MSRA: variants seen among roughly 807,000 people sequenced by gnomAD.
MSRA encodes mitochondrial peptide methionine sulfoxide reductase.
Under a neutral mutation model 31.3 loss-of-function variants are expected in MSRA, and 54 were observed. The ratio of observed to expected loss-of-function variants is 1.73; its 90% CI spans 1.39 to 2.17. The LOEUF is 2.17. MSRA is among the 30% of genes most tolerant of loss of function. MSRA has a pLI of 0.00. For synonymous variants in MSRA, 169 were observed against 116.5 expected, an observed-to-expected ratio of 1.45 and a Z score of -2.90; for missense variants, 507 against 300.9, an observed-to-expected ratio of 1.69 and a Z score of -5.07.
chr8:10,353,192 T>G (rs1563384592), intron 5 of MSRA, among the ~76,000 whole-genome samples: 1 of 152,214 alleles, frequency 6.6e-6, no homozygotes, highest in South Asian at 2.1e-4. Flanking sequence ...CTCAAGGTAG[T>G]TGACATGTTG....
At chr8:10,261,893 C>T (rs1798504870) in intron 3 of MSRA, among the ~76,000 whole-genome samples, 1 of 152,224 alleles carries the variant, frequency 6.6e-6, no homozygotes, top group Non-Finnish European at 1.5e-5. Context: ...CCCTGGCAAT[C>T]ACTAGCTTTT....
chr8:10,284,713 A>T (rs1305373242), intron 3 of MSRA, among the ~76,000 whole-genome samples: 1 of 151,674 alleles, frequency 6.6e-6, no homozygotes, highest in African/African-American at 2.4e-5. Context: ...CTGGGTTCTG[A>T]CTCCGCCCCT....
intron 1 of MSRA, among the ~76,000 whole-genome samples, chr8:10,064,983 T>G (rs559371390): frequency 6.6e-6 from 1 of 152,258 alleles, no homozygotes; most frequent in Non-Finnish European, 1.5e-5. Context: ...CGTAAGAGTT[T>G]GCAGAATGGA....
At chr8:10,116,993 C>G (rs1212555985) in intron 1 of MSRA, among the ~76,000 whole-genome samples, 1 of 152,142 alleles carries the variant, frequency 6.6e-6, no homozygotes, top group East Asian at 1.9e-4. Flanking sequence ...CATATTGAGG[C>G]AGAGGCTCAA....
At chr8:10,336,882 G>A (rs1471341708) in intron 5 of MSRA, 2 of 152,158 alleles carry the variant, frequency 1.3e-5, no homozygotes, top group African/African-American at 4.8e-5. Context: ...GGCAAAATGG[G>A]AATTAACATT....
intron 3 of MSRA, among the ~76,000 whole-genome samples, chr8:10,249,668 C>T (rs1797815240): frequency 6.6e-6 from 1 of 152,150 alleles, no homozygotes; most frequent in Non-Finnish European, 1.5e-5. Flanking sequence ...TTGGCTGGGA[C>T]ACAGGGTAGC....
intron 5 of MSRA, among the ~76,000 whole-genome samples, chr8:10,375,444 A>G (rs1203225072): frequency 6.6e-6 from 1 of 152,216 alleles, no homozygotes; most frequent in Non-Finnish European, 1.5e-5. Context: ...TTACGCTTCT[A>G]TCTTCGTGCC....
intron 5 of MSRA, among the ~76,000 whole-genome samples, chr8:10,348,232 C>G (rs533908150): frequency 6.6e-6 from 1 of 151,904 alleles, no homozygotes; most frequent in South Asian, 2.1e-4. Flanking sequence ...TTTTGTAGTT[C>G]TAGTAAATTG....
At chr8:10,407,116 A>G (rs967130597) in intron 5 of MSRA, among the ~76,000 whole-genome samples, 1 of 152,166 alleles carries the variant, frequency 6.6e-6, no homozygotes, top group African/African-American at 2.4e-5. Flanking sequence ...GACTCAAGTG[A>G]TCTTCCCGCC....
chr8:10,317,177 G>A (rs1387451165), intron 4 of MSRA, among the ~76,000 whole-genome samples: 1 of 152,214 alleles, frequency 6.6e-6, no homozygotes, highest in Non-Finnish European at 1.5e-5. Flanking sequence ...AGACCCTGAG[G>A]CGTTGTTCCT....
chr8:10,165,616 A>T (rs1359966172), intron 1 of MSRA, among the ~76,000 whole-genome samples: 2 of 152,180 alleles, frequency 1.3e-5, no homozygotes, highest in African/African-American at 4.8e-5. Context: ...TTTCCTGATA[A>T]AATGAAAAAG....
chr8:10,343,210 TCAG>T (rs139787819), intron 5 of MSRA, among the ~76,000 whole-genome samples: 1,798 of 152,326 alleles, frequency 0.012, 41 homozygotes, highest in African/African-American at 0.041. Context: ...TCAGGCTTGC[TCAG>T]CAGCATCGCA....
intron 1 of MSRA, among the ~76,000 whole-genome samples, chr8:10,120,863 C>T (rs930290398): frequency 6.6e-6 from 1 of 152,148 alleles, no homozygotes; most frequent in East Asian, 1.9e-4. Flanking sequence ...TGCACCTGTA[C>T]ACGTCCATGA....
At chr8:10,247,573 T>A (rs1239571909) in intron 3 of MSRA, among the ~76,000 whole-genome samples, 5 of 152,168 alleles carry the variant, frequency 3.3e-5, no homozygotes, top group Admixed American at 6.5e-5. Context: ...AAACAGCTGG[T>A]ATGTTAGAGG....
At chr8:10,196,923 T>C (rs1395735681) in intron 1 of MSRA, among the ~76,000 whole-genome samples, 1 of 152,136 alleles carries the variant, frequency 6.6e-6, no homozygotes, top group East Asian at 1.9e-4. Flanking sequence ...TATATGACTC[T>C]TTATAGATAT....
chr8:10,420,173 C>T (rs1013356814), intron 5 of MSRA, among the ~76,000 whole-genome samples: 1 of 152,120 alleles, frequency 6.6e-6, no homozygotes, highest in Admixed American at 6.5e-5. Flanking sequence ...TGAAATATGC[C>T]AGTCACAAAA....
chr8:10,364,021 C>G (rs1181493026), intron 5 of MSRA, among the ~76,000 whole-genome samples: 5 of 152,172 alleles, frequency 3.3e-5, no homozygotes, highest in African/African-American at 1.2e-4. Context: ...TGTTTCCTTT[C>G]TCTAGACCTT....
chr8:10,285,747 A>G (rs1799902141), intron 3 of MSRA, among the ~76,000 whole-genome samples: 2 of 152,010 alleles, frequency 1.3e-5, no homozygotes, highest in African/African-American at 4.8e-5. Flanking sequence ...TGCGGTATTT[A>G]TCTTCCTATG....
chr8:10,298,030 C>T (rs775313290), intron 3 of MSRA, among the ~76,000 whole-genome samples: 9 of 152,194 alleles, frequency 5.9e-5, no homozygotes, highest in Non-Finnish European at 1.0e-4. Flanking sequence ...GCTTCATCCC[C>T]GGTTGAAACC....
Sources: allele counts gnomAD v4.1 joint callset (sites outside exome capture counted in the v4.1 genomes callset), GRCh38; gene constraint gnomAD v4.1.1; transcripts MANE v1.5; gene names NCBI Gene and HGNC (gene_info 2026-07-23, HGNC 2026-07-21).